THSD7B: variants seen among roughly 807,000 people sequenced by gnomAD.
THSD7B encodes thrombospondin type-1 domain-containing protein 7B.
In THSD7B, 138 loss-of-function variants were observed where a neutral mutation model predicts 213.6. That is an observed-to-expected ratio of 0.65 (90% confidence interval 0.56 to 0.74). THSD7B has a LOEUF of 0.74. Ranked by LOEUF, THSD7B falls within the 30% of genes least tolerant of loss-of-function variation. THSD7B has a pLI of 0.00. For synonymous variants in THSD7B, 742 were observed against 687.0 expected, an observed-to-expected ratio of 1.08 and a Z score of -1.25; for missense variants, 1,931 against 1,991.5, an observed-to-expected ratio of 0.97 and a Z score of 0.58.
In THSD7B at chr2:137,464,942, T is replaced by C. The variant is rs1687963187; in HGVS notation, c.3138+13919T>C. ...ATAATCATCTCTCTCTGCAATCTTATGTGGTCTCTCCTGAGACTGATTCCT... is the reference window on the plus strand; with the variant it reads ...ATAATCATCTCTCTCTGCAATCTTACGTGGTCTCTCCTGAGACTGATTCCT... On this transcript the variant is annotated intron_variant, in intron 15 of 27. Transcript: ENST00000409968. Among the ~76,000 whole-genome samples the C allele has an allele frequency of 5.3e-5, 8 of 152,186 alleles. 1 individual carries two copies. In the South Asian group the frequency reaches 1.5e-3, roughly 28 times the overall value.
intron 10 of THSD7B, among the ~76,000 whole-genome samples, chr2:137,255,606 T>TC (rs112062391): frequency 2.0e-3 from 306 of 152,310 alleles, no homozygotes; most frequent in African/African-American, 7.0e-3. Flanking sequence ...TTTAGCTATG[T>TC]CAGCCTCCTT....
intron 2 of THSD7B, among the ~76,000 whole-genome samples, chr2:136,976,770 T>C (rs1014886580): frequency 6.6e-6 from 1 of 152,062 alleles, no homozygotes; most frequent in African/African-American, 2.4e-5. Flanking sequence ...TACAGGCGCC[T>C]GCCACCACGC....
At chr2:137,437,035 T>C (rs943650840) in intron 14 of THSD7B, among the ~76,000 whole-genome samples, 1 of 152,172 alleles carries the variant, frequency 6.6e-6, no homozygotes, top group African/African-American at 2.4e-5. Flanking sequence ...ATTTGTGCCC[T>C]GAAATACCAT....
At chr2:137,210,815 T>TA (rs201408897) in intron 7 of THSD7B, among the ~76,000 whole-genome samples, 50,811 of 133,436 alleles carry the variant, frequency 0.38, 9,349 homozygotes, top group East Asian at 0.52. Context: ...TAGTTAAAGT[T>TA]AAAAAAAAGT....
chr2:137,234,691 A>G (rs1373846192), intron 9 of THSD7B, among the ~76,000 whole-genome samples: 1 of 152,152 alleles, frequency 6.6e-6, no homozygotes, highest in East Asian at 1.9e-4. Context: ...TAGTATAAAC[A>G]TTTCTGGAAT....
chr2:137,485,644 A>G (rs1479784198), intron 15 of THSD7B, among the ~76,000 whole-genome samples: 2 of 152,174 alleles, frequency 1.3e-5, no homozygotes, highest in African/African-American at 2.4e-5. Context: ...GGAAATACAG[A>G]GAATGCCACA....
chr2:137,469,353 T>C (rs1688050467), intron 15 of THSD7B, among the ~76,000 whole-genome samples: 1 of 152,216 alleles, frequency 6.6e-6, no homozygotes, highest in Non-Finnish European at 1.5e-5. Context: ...CTGAATTCAA[T>C]ATGCGATCCT....
intron 2 of THSD7B, among the ~76,000 whole-genome samples, chr2:137,053,585 A>T (rs1449552305): frequency 4.6e-5 from 7 of 152,152 alleles, no homozygotes; most frequent in Non-Finnish European, 8.8e-5. Flanking sequence ...ATAAAAAAAA[A>T]AAGAGAATGT....
chr2:137,515,376 G>T (rs1318361870), intron 15 of THSD7B, among the ~76,000 whole-genome samples: 1 of 152,084 alleles, frequency 6.6e-6, no homozygotes, highest in Non-Finnish European at 1.5e-5. Context: ...CTCCCCTGAG[G>T]CAGTTGCCAG....
chr2:136,923,473 A>G (rs1684470615), intron 2 of THSD7B, among the ~76,000 whole-genome samples: 1 of 152,176 alleles, frequency 6.6e-6, no homozygotes. Flanking sequence ...TTTCCAGAAT[A>G]TATCTGGGGT....
chr2:136,945,478 G>A (rs1684920748), intron 2 of THSD7B, among the ~76,000 whole-genome samples: 2 of 152,088 alleles, frequency 1.3e-5, no homozygotes, highest in African/African-American at 2.4e-5. Flanking sequence ...GAGTATCTTT[G>A]TGGTATTCTC....
intron 17 of THSD7B, among the ~76,000 whole-genome samples, chr2:137,589,648 A>G (rs532596710): frequency 1.3e-5 from 2 of 152,232 alleles, no homozygotes; most frequent in East Asian, 3.9e-4. Flanking sequence ...TTGCTCTTGC[A>G]TATTTGGGGT....
chr2:137,105,441 C>A (rs1283534215), intron 4 of THSD7B, among the ~76,000 whole-genome samples: 1 of 152,116 alleles, frequency 6.6e-6, no homozygotes, highest in African/African-American at 2.4e-5. Flanking sequence ...AAACCCACAG[C>A]CAATATCATA....
chr2:137,470,319 T>A (rs935921), intron 15 of THSD7B, among the ~76,000 whole-genome samples: 2,760 of 152,284 alleles, frequency 0.018, 77 homozygotes, highest in African/African-American at 0.061. Context: ...GACCTTATAC[T>A]TTGTCCTTAC....
chr2:137,141,767 T>G (rs574070815), intron 5 of THSD7B, among the ~76,000 whole-genome samples: 1 of 152,124 alleles, frequency 6.6e-6, no homozygotes, highest in South Asian at 2.1e-4. Flanking sequence ...CTGGCAATTC[T>G]TAATAACAGT....
chr2:137,169,381 T>G (rs1680198516), intron 6 of THSD7B, among the ~76,000 whole-genome samples: 1 of 151,854 alleles, frequency 6.6e-6, no homozygotes, highest in Non-Finnish European at 1.5e-5. Context: ...CTAGCCTCCT[T>G]GGCTGTGCTA....
At chr2:137,066,509 A>G (rs918015531) in intron 3 of THSD7B, among the ~76,000 whole-genome samples, 2 of 152,052 alleles carry the variant, frequency 1.3e-5, no homozygotes, top group African/African-American at 2.4e-5. Flanking sequence ...TTTGCTTTCA[A>G]TAGCACATGA....
At chr2:136,939,806 A>G (rs1684790351) in intron 2 of THSD7B, among the ~76,000 whole-genome samples, 1 of 152,132 alleles carries the variant, frequency 6.6e-6, no homozygotes, top group Non-Finnish European at 1.5e-5. Flanking sequence ...TGCACTGTCT[A>G]TCACTGGAAA....
intron 14 of THSD7B, among the ~76,000 whole-genome samples, chr2:137,422,224 A>G (rs1437362812): frequency 6.6e-6 from 1 of 152,238 alleles, no homozygotes; most frequent in Non-Finnish European, 1.5e-5. Context: ...TTGTCAGCAA[A>G]AATGTTACAA....
Sources: gnomAD v4.1 joint callset for allele counts (sites outside exome capture counted in the v4.1 genomes callset) on GRCh38, gnomAD v4.1.1 for gene constraint, MANE v1.5 for transcripts, NCBI Gene and HGNC (gene_info 2026-07-23, HGNC 2026-07-21) for gene names.